The following PIGK variants were observed in gnomAD, a reference collection of about 807,000 sequenced individuals.
The protein encoded by PIGK is GPI-anchor transamidase.
A neutral mutation model predicts 50.6 loss-of-function variants in PIGK; 42 were observed. The ratio of observed to expected loss-of-function variants is 0.83; its 90% confidence interval spans 0.65 to 1.07. The LOEUF (loss-of-function observed/expected upper bound fraction) is 1.07. Ranked by LOEUF, PIGK falls within the 50% of genes least tolerant of loss-of-function variation. PIGK has a pLI of 0.00. For synonymous variants in PIGK, 151 were observed against 156.0 expected, an observed-to-expected ratio of 0.97 and a Z score of 0.24; for missense variants, 448 against 488.7, an observed-to-expected ratio of 0.92 and a Z score of 0.78.
chr1:77,211,620 T>C (rs1656423942), intron 1 of PIGK, among the ~76,000 whole-genome samples: 1 of 152,020 alleles, frequency 6.6e-6, no homozygotes, highest in African/African-American at 2.4e-5. Context: ...AACAAAATTA[T>C]CACTCTTTGA....
At chr1:77,180,296 G>GCC (rs1655580922) in intron 3 of PIGK, among the ~76,000 whole-genome samples, 3 of 151,986 alleles carry the variant, frequency 2.0e-5, no homozygotes, top group Non-Finnish European at 4.4e-5. Flanking sequence ...GAAAAAGTGG[G>GCC]CACTGGAATT....
chr1:77,175,544 A>G (rs1281157172), intron 3 of PIGK, among the ~76,000 whole-genome samples: 4 of 152,198 alleles, frequency 2.6e-5, no homozygotes, highest in Non-Finnish European at 5.9e-5. Context: ...CAAGGTGTAT[A>G]AGGAAAGTAA....
intron 10 of PIGK, among the ~76,000 whole-genome samples, chr1:77,092,768 C>T (rs1341774020): frequency 6.6e-6 from 1 of 152,100 alleles, no homozygotes; most frequent in East Asian, 1.9e-4. Flanking sequence ...TCTATCCTCA[C>T]TCAAGTTACT....
At chr1:77,134,554 T>A (rs1015831904) in intron 9 of PIGK, among the ~76,000 whole-genome samples, 1 of 152,176 alleles carries the variant, frequency 6.6e-6, no homozygotes, top group Non-Finnish European at 1.5e-5. Flanking sequence ...AGTGGCCCAC[T>A]GCCAAGCCCA....
chr1:77,138,334 A>T lies in PIGK; in HGVS notation c.987-15975T>A, dbSNP rs186355394. On this transcript the variant is annotated intron_variant, in intron 9 of 10. Transcript: ENST00000370812. ...TCTACTGCAGGCTTTGAAGACACAA[A>T]CAGCCATACTGTGAACTGCCTTTGG... Among the ~76,000 whole-genome samples the T allele has an allele frequency of 1.0e-3, 154 of 152,320 alleles. 2 individuals carry two copies. The highest frequency in any genetic ancestry group is 3.5e-3 in the African/African-American group (145 of 41,568).
chr1:77,098,834 A>G (rs1010262117), intron 10 of PIGK, among the ~76,000 whole-genome samples: 31 of 152,196 alleles, frequency 2.0e-4, no homozygotes, highest in African/African-American at 7.2e-4. Context: ...AAGAATAATT[A>G]CAAATGGCTA....
intron 3 of PIGK, among the ~76,000 whole-genome samples, chr1:77,172,351 GTTTCTGTATCTCACTTCCAA>G: frequency 6.6e-6 from 1 of 152,240 alleles, no homozygotes; most frequent in South Asian, 2.1e-4. Context: ...CAATCCAGTT[GTTTCTGTATCTCACTTCCAA>G]TTTCTGTACC....
At chr1:77,130,456 G>C (rs926390452) in intron 9 of PIGK, among the ~76,000 whole-genome samples, 1 of 151,852 alleles carries the variant, frequency 6.6e-6, no homozygotes, top group Non-Finnish European at 1.5e-5. Context: ...TTGCTTCAAC[G>C]TAGAATTTTT....
intron 9 of PIGK, among the ~76,000 whole-genome samples, chr1:77,148,272 A>C (rs1453266567): frequency 6.6e-6 from 1 of 152,196 alleles, no homozygotes; most frequent in African/African-American, 2.4e-5. Context: ...CATCTATGTA[A>C]AAATTCCTGA....
intron 10 of PIGK, among the ~76,000 whole-genome samples, chr1:77,114,121 T>A (rs1310262993): frequency 6.6e-6 from 1 of 152,134 alleles, no homozygotes; most frequent in African/African-American, 2.4e-5. Context: ...ACCTCCTTCA[T>A]CAAAATTTTC....
chr1:77,140,514 T>A (rs1654625974), intron 9 of PIGK, among the ~76,000 whole-genome samples: 1 of 152,166 alleles, frequency 6.6e-6, no homozygotes, highest in African/African-American at 2.4e-5. Flanking sequence ...TTACCCAGTC[T>A]CAGGTATTTC....
At chr1:77,195,829 AT>A (rs1294764728) in intron 3 of PIGK, among the ~76,000 whole-genome samples, 2 of 151,860 alleles carry the variant, frequency 1.3e-5, no homozygotes, top group East Asian at 1.9e-4. Flanking sequence ...AAATATATAC[AT>A]TTTTTGACTT....
intron 3 of PIGK, 68 bp from the exon 4 acceptor site, chr1:77,169,463 A>T: frequency 7.9e-7 from 1 of 1,271,946 alleles, no homozygotes; most frequent in South Asian, 1.4e-5. Context: ...AAATTTATTT[A>T]TATCATGTAG....
intron 10 of PIGK, among the ~76,000 whole-genome samples, chr1:77,094,615 T>C (rs1653368163): frequency 6.6e-6 from 1 of 152,170 alleles, no homozygotes; most frequent in South Asian, 2.1e-4. Flanking sequence ...TCCAATGAGA[T>C]GGACTCCCTG....
At chr1:77,195,639 T>C (rs1479559735) in intron 3 of PIGK, among the ~76,000 whole-genome samples, 1 of 152,140 alleles carries the variant, frequency 6.6e-6, no homozygotes, top group East Asian at 1.9e-4. Context: ...TGACTAGTTA[T>C]TCTGCAAACA....
At chr1:77,130,279 C>A (rs1434770831) in intron 9 of PIGK, among the ~76,000 whole-genome samples, 11 of 92,722 alleles carry the variant, frequency 1.2e-4, no homozygotes, top group Non-Finnish European at 2.1e-4. Context: ...TAGTGTGACA[C>A]CTTTCCCTAC....
At chr1:77,187,076 T>C (rs1335668734) in intron 3 of PIGK, among the ~76,000 whole-genome samples, 9 of 152,276 alleles carry the variant, frequency 5.9e-5, no homozygotes, top group Admixed American at 1.3e-4. Flanking sequence ...CTCTGAACAA[T>C]GCACTCAGTT....
chr1:77,092,461 A>C lies in PIGK; in HGVS notation c.1101T>G (p.Pro367=). 6.2e-7 allele frequency: 1 copy of C among 1,600,108 alleles called. No individual in the cohort carries two copies. Among genetic ancestry groups the C allele is most frequent in the Non-Finnish European group, 8.5e-7 (1 of 1,172,286 alleles). ...QKPKLKDWHP[P]GGFILGLWAL... is the part of the protein sequence containing the mutation. ...CCCATAATCCCAGAATAAAGCCCCC[A>C]GGAGGATGCCAGTCTTTCAGCTTCG... is the stretch of plus-strand genomic sequence containing the variant. Residue 367 remains proline (P), a synonymous_variant, in exon 11 of 11, where the codon CCT becomes CCG. Transcript: ENST00000370812.
intron 4 of PIGK, 22 bp downstream of exon 4, chr1:77,169,238 G>T: frequency 1.4e-6 from 2 of 1,446,912 alleles, no homozygotes; most frequent in Admixed American, 2.4e-5. Context: ...TTTTAAAAAT[G>T]TGGCTAGATT....
Sources: allele counts gnomAD v4.1 joint callset (sites outside exome capture counted in the v4.1 genomes callset), GRCh38; gene constraint gnomAD v4.1.1; transcripts MANE v1.5; gene names NCBI Gene and HGNC (gene_info 2026-07-23, HGNC 2026-07-21).